SCARA5: variants seen among roughly 807,000 people sequenced by gnomAD.
SCARA5 encodes the protein scavenger receptor class A member 5.
In SCARA5, 45 loss-of-function variants were observed where a neutral mutation model predicts 46.3. The observed-to-expected ratio is 0.97, with a 90% CI of 0.76 to 1.24. SCARA5 has a LOEUF of 1.24. Ranked by LOEUF, SCARA5 falls within the 50% of genes most tolerant of loss-of-function variation. The probability of loss-of-function intolerance (pLI) is 0.00; values close to 1 mark genes in which losing one functional copy is unlikely to be tolerated. For missense variants in SCARA5, 680 were observed against 689.0 expected (o/e 0.99, Z 0.15); for synonymous variants, 333 against 306.5 (o/e 1.09, Z -0.90).
intron 3 of SCARA5, among the ~76,000 whole-genome samples, chr8:27,925,697 A>G (rs1807669245): frequency 6.6e-6 from 1 of 152,234 alleles, no homozygotes; most frequent in African/African-American, 2.4e-5. Flanking sequence ...CAATCTACTC[A>G]TCTGACAAAG....
chr8:27,915,311 C>G (rs2685334), intron 4 of SCARA5, among the ~76,000 whole-genome samples: 78,043 of 152,036 alleles, frequency 0.51, 20,670 homozygotes, highest in Non-Finnish European at 0.58. Context: ...CCCTTGCTAC[C>G]GTCCTCCGAG....
intron 4 of SCARA5, among the ~76,000 whole-genome samples, chr8:27,911,197 T>C (rs1807368652): frequency 1.3e-5 from 2 of 152,120 alleles, no homozygotes; most frequent in South Asian, 4.1e-4. Context: ...TGAAAGTTAG[T>C]GTGAGCTGCT....
At chr8:27,972,812 T>C (rs1245983590) in intron 2 of SCARA5, among the ~76,000 whole-genome samples, 1 of 102,422 alleles carries the variant, frequency 9.8e-6, no homozygotes, top group Non-Finnish European at 2.1e-5. Flanking sequence ...TGTAGTGAGC[T>C]GTGTCACCAC....
In SCARA5 at chr8:27,909,817, C is replaced by A. The variant is rs144491794; in HGVS notation, c.917-74G>T. On this transcript the variant is annotated intron_variant, in intron 4 of 8. Coordinates refer to ENST00000354914, the MANE Select transcript of SCARA5 (RefSeq NM_173833.6). ...AGGACCAGGTCATCTGTAGAGGAAA[C>A]AAAACGCCCTCTCTGAGGAGAGGAA... 1.7e-4 allele frequency: 174 copies of A among 1,046,402 alleles called. No homozygotes were observed. The African/African-American group carries it at 2.4e-3, about 15-fold the overall frequency. 64.8% of individuals were successfully genotyped at this position (1,046,402 alleles called of 1,614,324 possible).
chr8:27,881,710 C>G (rs569638983), intron 7 of SCARA5, among the ~76,000 whole-genome samples: 17 of 152,206 alleles, frequency 1.1e-4, no homozygotes, highest in Non-Finnish European at 2.2e-4. Flanking sequence ...AATAAAATAG[C>G]CTTTTTTAAA....
chr8:27,928,938 C>T (rs1318313060), intron 3 of SCARA5, among the ~76,000 whole-genome samples: 1 of 152,122 alleles, frequency 6.6e-6, no homozygotes, highest in Non-Finnish European at 1.5e-5. Flanking sequence ...AGGCGTGAGC[C>T]ACCAGGCCTG....
At chr8:27,896,436 T>C (rs1247593288) in intron 7 of SCARA5, among the ~76,000 whole-genome samples, 2 of 152,182 alleles carry the variant, frequency 1.3e-5, no homozygotes, top group African/African-American at 4.8e-5. Context: ...AGGTCAGGAC[T>C]GTCTTGAGAA....
intron 4 of SCARA5, 95 bp from the exon 5 acceptor site, chr8:27,909,838 AGGAAG>A: frequency 1.3e-6 from 1 of 743,784 alleles, no homozygotes; most frequent in Non-Finnish European, 2.2e-6. Flanking sequence ...CTCTGAGGAG[AGGAAG>A]GGGCAGCATT....
At chr8:27,916,752 C>G (rs1385187365) in intron 4 of SCARA5, among the ~76,000 whole-genome samples, 1 of 152,116 alleles carries the variant, frequency 6.6e-6, no homozygotes, top group Non-Finnish European at 1.5e-5. Context: ...AGGAAAGACC[C>G]TAGATGCAGT....
At chr8:27,937,897 C>T (rs777161503) in intron 3 of SCARA5, among the ~76,000 whole-genome samples, 35 of 152,326 alleles carry the variant, frequency 2.3e-4, no homozygotes, top group Admixed American at 3.9e-4. Context: ...CTCATTTTCA[C>T]TTAGTCACCT....
At chr8:27,875,047 AC>A (rs1234539458) in intron 8 of SCARA5, among the ~76,000 whole-genome samples, 1 of 152,154 alleles carries the variant, frequency 6.6e-6, no homozygotes, top group Non-Finnish European at 1.5e-5. Flanking sequence ...ATGGTGCCAG[AC>A]CCCTGGGAGA....
intron 4 of SCARA5, among the ~76,000 whole-genome samples, chr8:27,914,374 T>G (rs548748792): frequency 6.6e-6 from 1 of 152,272 alleles, no homozygotes; most frequent in East Asian, 1.9e-4. Context: ...CCCCCAAATC[T>G]CAGAGCTAGA....
At chr8:27,974,122 T>C (rs1400314766) in intron 2 of SCARA5, among the ~76,000 whole-genome samples, 1 of 152,078 alleles carries the variant, frequency 6.6e-6, no homozygotes, top group Non-Finnish European at 1.5e-5. Flanking sequence ...GAGAGAACCT[T>C]GAACCTCTAC....
At chr8:27,905,532 G>GA (rs869237451) in intron 6 of SCARA5, among the ~76,000 whole-genome samples, 2 of 41,608 alleles carry the variant, frequency 4.8e-5, no homozygotes, top group African/African-American at 5.5e-5. Context: ...TTGGGGGGGG[G>GA]AAAAAAAAAA....
At chr8:27,907,081 C>T in intron 6 of SCARA5, 67 bp downstream of exon 6, 1 of 1,126,070 alleles carries the variant, frequency 8.9e-7, no homozygotes, top group Non-Finnish European at 1.3e-6. Context: ...CCTGGTCCCC[C>T]ATGCCAATGC....
intron 8 of SCARA5, among the ~76,000 whole-genome samples, chr8:27,872,518 C>T (rs1315003437): frequency 6.6e-6 from 1 of 152,154 alleles, no homozygotes. Flanking sequence ...CATTTTCAGC[C>T]CCTGTTGTCA....
At chr8:27,950,623 G>A (rs1808109221) in intron 3 of SCARA5, among the ~76,000 whole-genome samples, 1 of 152,156 alleles carries the variant, frequency 6.6e-6, no homozygotes, top group African/African-American at 2.4e-5. Context: ...AGCTCCAGGT[G>A]CCATGTTCTC....
At chr8:27,918,080 G>A (rs191973774) in intron 4 of SCARA5, among the ~76,000 whole-genome samples, 1 of 152,288 alleles carries the variant, frequency 6.6e-6, no homozygotes, top group East Asian at 1.9e-4. Flanking sequence ...ACAGATCCAG[G>A]TGGACTGTGG....
intron 2 of SCARA5, among the ~76,000 whole-genome samples, chr8:27,968,396 A>G (rs1307862293): frequency 2.0e-5 from 3 of 152,222 alleles, no homozygotes; most frequent in Admixed American, 2.0e-4. Context: ...ATTTTCCGCT[A>G]AGACAAAATA....
Sources: allele counts gnomAD v4.1 joint callset (sites outside exome capture counted in the v4.1 genomes callset), GRCh38; gene constraint gnomAD v4.1.1; transcripts MANE v1.5; gene names NCBI Gene and HGNC (gene_info 2026-07-23, HGNC 2026-07-21).